Variants in TMEM117 observed in about 807,000 individuals in gnomAD.
The protein encoded by TMEM117 is transmembrane protein 117.
In TMEM117, 27 loss-of-function variants were observed where a neutral mutation model predicts 52.4. The ratio of observed to expected loss-of-function variants is 0.51; its 90% confidence interval spans 0.38 to 0.71. The LOEUF (loss-of-function observed/expected upper bound fraction) is 0.71. TMEM117 is among the 30% of genes least tolerant of loss of function. TMEM117 has a pLI of 0.00. For missense variants in TMEM117, 556 were observed against 630.5 expected, an observed-to-expected ratio of 0.88 and a Z score of 1.26; for synonymous variants, 215 against 206.3, an observed-to-expected ratio of 1.04 and a Z score of -0.36.
intron 5 of TMEM117, among the ~76,000 whole-genome samples, chr12:44,257,542 T>C (rs185876465): frequency 2.6e-5 from 4 of 152,302 alleles, no homozygotes; most frequent in East Asian, 3.9e-4. Context: ...GCTACTAATA[T>C]CTGATTTCGA....
chr12:43,991,142 A>G (rs1945931612), intron 3 of TMEM117, among the ~76,000 whole-genome samples: 1 of 152,182 alleles, frequency 6.6e-6, no homozygotes, highest in African/African-American at 2.4e-5. Flanking sequence ...GGGTGACACT[A>G]GCGATGATTT....
At chr12:44,055,125 G>C (rs1782328187) in intron 3 of TMEM117, among the ~76,000 whole-genome samples, 1 of 151,478 alleles carries the variant, frequency 6.6e-6, no homozygotes, top group African/African-American at 2.4e-5. Context: ...TTTTAGATAA[G>C]AAAAGTATAA....
At chr12:44,177,028 T>C (rs1322670015) in intron 4 of TMEM117, among the ~76,000 whole-genome samples, 1 of 152,148 alleles carries the variant, frequency 6.6e-6, no homozygotes, top group African/African-American at 2.4e-5. Context: ...GTTACTCATA[T>C]TGATAAACTA....
chr12:44,169,040 T>C (rs1282282701), intron 4 of TMEM117, among the ~76,000 whole-genome samples: 1 of 152,250 alleles, frequency 6.6e-6, no homozygotes, highest in Non-Finnish European at 1.5e-5. Context: ...AGAATTTCCT[T>C]CCTTTTTAAG....
chr12:44,298,548 T>G (rs1164441554), intron 5 of TMEM117, among the ~76,000 whole-genome samples: 1 of 150,856 alleles, frequency 6.6e-6, no homozygotes, highest in African/African-American at 2.5e-5. Context: ...CAGATCTACT[T>G]TAAAAGTCAG....
intron 4 of TMEM117, among the ~76,000 whole-genome samples, chr12:44,152,552 TATA>T (rs1385940238): frequency 8.3e-5 from 10 of 120,698 alleles, no homozygotes; most frequent in African/African-American, 2.0e-4. Context: ...AATTTTTATA[TATA>T]ATATTTATAT....
chr12:44,180,698 G>C (rs376693835), intron 4 of TMEM117, among the ~76,000 whole-genome samples: 1 of 151,828 alleles, frequency 6.6e-6, no homozygotes, highest in Admixed American at 6.6e-5. Context: ...ATTTTTTATG[G>C]CTGCATAGTA....
chr12:44,048,505 T>A lies in TMEM117; in HGVS notation c.411-95020T>A, dbSNP rs186739112. The stretch of plus-strand genomic sequence containing the variant: ...AAGGTTAAACATTTTCCTATATACT[T>A]TAATAACAGCTTTAGCTGAATCTGG... On this transcript the variant is annotated intron_variant, in intron 3 of 7. Coordinates refer to ENST00000266534, the MANE Select transcript of TMEM117 (RefSeq NM_032256.3). 2.7e-4 allele frequency among the ~76,000 whole-genome samples: 41 copies of A among 152,374 alleles called. 1 individual carries two copies. Among genetic ancestry groups the A allele is most frequent in the African/African-American group, 9.4e-4 (39 of 41,600 alleles).
intron 3 of TMEM117, among the ~76,000 whole-genome samples, chr12:43,958,806 A>T (rs12297031): frequency 0.95 from 144,916 of 151,860 alleles, 69,506 homozygotes; most frequent in East Asian, 1. Flanking sequence ...TTTTTTTGTT[A>T]GTTTGTTTGT....
chr12:43,977,920 G>A (rs1331028515), intron 3 of TMEM117, among the ~76,000 whole-genome samples: 5 of 152,148 alleles, frequency 3.3e-5, no homozygotes, highest in Admixed American at 3.3e-4. Context: ...AGGTGTCAAT[G>A]GATACATGTA....
intron 3 of TMEM117, among the ~76,000 whole-genome samples, chr12:43,996,699 C>T (rs1455735350): frequency 6.6e-6 from 1 of 151,936 alleles, no homozygotes; most frequent in Non-Finnish European, 1.5e-5. Context: ...GGGATTTTCT[C>T]CCAGCATGAT....
chr12:44,301,857 A>G (rs1950844486), intron 6 of TMEM117, among the ~76,000 whole-genome samples: 1 of 152,154 alleles, frequency 6.6e-6, no homozygotes, highest in African/African-American at 2.4e-5. Flanking sequence ...AATTGGAGAA[A>G]CTCATGGGCT....
At chr12:44,083,576 G>C (rs1226632066) in intron 3 of TMEM117, 1 of 151,032 alleles carries the variant, frequency 6.6e-6, no homozygotes, top group Non-Finnish European at 1.5e-5. Flanking sequence ...CTAATTTTTT[G>C]TATTTTTTGT....
intron 2 of TMEM117, among the ~76,000 whole-genome samples, chr12:43,877,496 ATAG>A (rs1295286453): frequency 1.3e-5 from 2 of 152,040 alleles, no homozygotes; most frequent in Non-Finnish European, 2.9e-5. Context: ...TTAGCTGGAC[ATAG>A]TGGTGGGCAC....
chr12:43,862,923 CGCACT>C (rs1694984573), intron 2 of TMEM117, among the ~76,000 whole-genome samples: 1 of 151,996 alleles, frequency 6.6e-6, no homozygotes, highest in Non-Finnish European at 1.5e-5. Context: ...GCTGAGATTA[CGCACT>C]GCACTCCAGC....
intron 2 of TMEM117, among the ~76,000 whole-genome samples, chr12:43,857,971 G>A (rs1235670381): frequency 6.6e-6 from 1 of 152,174 alleles, no homozygotes; most frequent in Non-Finnish European, 1.5e-5. Flanking sequence ...ATAGAAGCAC[G>A]GGTCAAAGAA....
chr12:44,178,406 A>G lies in TMEM117; in HGVS notation c.511-32884A>G, dbSNP rs1382421773. On this transcript the variant is annotated intron_variant, in intron 4 of 7. Transcript: ENST00000266534. ...CCCCAGTCGTTTCTGCATTCTTTTAATAGACGTTTTCATCCTTTTCTCTCA... is the reference window on the plus strand; with the variant it reads ...CCCCAGTCGTTTCTGCATTCTTTTAGTAGACGTTTTCATCCTTTTCTCTCA... 2.0e-5 allele frequency among the ~76,000 whole-genome samples: 3 copies of G among 152,188 alleles called. 1 individual carries two copies. The highest frequency in any genetic ancestry group is 4.4e-5 in the Non-Finnish European group (3 of 68,020).
chr12:44,273,275 T>G (rs941650131), intron 5 of TMEM117, among the ~76,000 whole-genome samples: 1 of 151,736 alleles, frequency 6.6e-6, no homozygotes, highest in African/African-American at 2.4e-5. Context: ...AAATGATGAG[T>G]TAATGGGTGC....
intron 6 of TMEM117, among the ~76,000 whole-genome samples, chr12:44,314,567 CTTTT>C (rs755148669): frequency 2.3e-5 from 3 of 130,596 alleles, no homozygotes; most frequent in Non-Finnish European, 3.3e-5. Flanking sequence ...GTTTCTTCTT[CTTTT>C]TTTTTTTTTT....
Sources: gnomAD v4.1 joint callset for allele counts (sites outside exome capture counted in the v4.1 genomes callset) on GRCh38, gnomAD v4.1.1 for gene constraint, MANE v1.5 for transcripts, NCBI Gene and HGNC (gene_info 2026-07-23, HGNC 2026-07-21) for gene names.